Variants in ANK2 observed in about 807,000 individuals in gnomAD.
The protein encoded by ANK2 is ankyrin-2.
A neutral mutation model predicts 360.5 loss-of-function variants in ANK2; 83 were observed. That is an observed-to-expected ratio of 0.23 (90% CI 0.19 to 0.28). ANK2 has a LOEUF of 0.28. Ranked by LOEUF, ANK2 falls within the 10% of genes least tolerant of loss-of-function variation. The pLI, the probability that ANK2 is intolerant of heterozygous loss-of-function variation, is 1.00. For synonymous variants in ANK2, 1,740 were observed against 1,759.5 expected, an observed-to-expected ratio of 0.99 and a Z score of 0.28; for missense variants, 4,201 against 4,795.7, an observed-to-expected ratio of 0.88 and a Z score of 3.66.
At chr4:113,271,313 G>A (rs1162709463) in intron 14 of ANK2, among the ~76,000 whole-genome samples, 2 of 152,204 alleles carry the variant, frequency 1.3e-5, no homozygotes, top group Non-Finnish European at 2.9e-5. Context: ...AAGAAGACCA[G>A]CAGCCCTTCT....
At chr4:112,974,289 A>G (rs1050337125) in intron 2 of ANK2, among the ~76,000 whole-genome samples, 3 of 152,318 alleles carry the variant, frequency 2.0e-5, no homozygotes, top group African/African-American at 7.2e-5. Context: ...AGCAATACAG[A>G]TTTAGCAAGA....
chr4:113,157,077 T>C (rs1477765044), intron 1 of ANK2, among the ~76,000 whole-genome samples: 1 of 148,706 alleles, frequency 6.7e-6, no homozygotes, highest in African/African-American at 2.5e-5. Context: ...AACCTAAAGG[T>C]TTTTTTTTTA....
chr4:112,788,097 T>C, the ANK2 span: 1 of 1,556,984 alleles, frequency 6.4e-7, no homozygotes, highest in Non-Finnish European at 8.7e-7. Context: ...CCCAGTTTAG[T>C]GGCAAGTTCT....
chr4:112,916,092 C>T (rs973970421), intron 2 of ANK2, among the ~76,000 whole-genome samples: 2 of 152,058 alleles, frequency 1.3e-5, no homozygotes, highest in African/African-American at 2.4e-5. Flanking sequence ...AGTTAAACTA[C>T]CTAGTAAAAG....
chr4:113,127,391 G>A (rs2095721636), intron 1 of ANK2, among the ~76,000 whole-genome samples: 1 of 151,692 alleles, frequency 6.6e-6, no homozygotes, highest in Non-Finnish European at 1.5e-5. Context: ...AGATATTTAA[G>A]GTCAATGGCA....
At chr4:112,824,193 A>T (rs1253970585) in intron 1 of ANK2, among the ~76,000 whole-genome samples, 2 of 150,188 alleles carry the variant, frequency 1.3e-5, no homozygotes, top group Admixed American at 1.3e-4. Flanking sequence ...CCGTCTATCT[A>T]GAGGGAGACA....
chr4:112,870,316 A>T (rs141375158), intron 1 of ANK2, among the ~76,000 whole-genome samples: 4,083 of 152,250 alleles, frequency 0.027, 70 homozygotes, highest in Middle Eastern at 0.041. Context: ...AATAATAAAA[A>T]ATTATTCTGC....
At chr4:113,233,533 CT>C (rs1389291159) in intron 5 of ANK2, among the ~76,000 whole-genome samples, 1 of 152,112 alleles carries the variant, frequency 6.6e-6, no homozygotes, top group African/African-American at 2.4e-5. Flanking sequence ...CAGAAACTAT[CT>C]TAAGATAATT....
At position 113,199,000 on chromosome 4, in the gene ANK2, C is replaced by T. The variant is rs2153404696; in HGVS notation, c.286-11C>T. 6.2e-7 allele frequency: 1 copy of T among 1,602,434 alleles called. No individual in the cohort carries two copies. The stretch of plus-strand genomic sequence containing the variant: ...ACCTTGAACATTTTCTATTTTGTTT[C>T]TCCAAAACAGAAGGGAAATACCGCT... On this transcript the variant is annotated splice_polypyrimidine_tract_variant and intron_variant, in intron 3 of 45. Transcript: ENST00000357077.
At chr4:112,848,731 C>T (rs2063927782) in intron 1 of ANK2, among the ~76,000 whole-genome samples, 1 of 152,162 alleles carries the variant, frequency 6.6e-6, no homozygotes, top group African/African-American at 2.4e-5. Context: ...TCTTGACTTA[C>T]TCACCTTTGA....
At chr4:113,261,685 G>A (rs1036837903) in intron 13 of ANK2, among the ~76,000 whole-genome samples, 2 of 152,104 alleles carry the variant, frequency 1.3e-5, no homozygotes, top group Admixed American at 6.5e-5. Context: ...ATTATAAAGT[G>A]GAGAGACCAT....
At chr4:113,223,530 T>G (rs2099175398) in intron 4 of ANK2, among the ~76,000 whole-genome samples, 1 of 152,148 alleles carries the variant, frequency 6.6e-6, no homozygotes, top group Non-Finnish European at 1.5e-5. Flanking sequence ...TTGTAAAGAT[T>G]TAGAGCTGTA....
chr4:112,764,686 C>G, the ANK2 span, among the ~76,000 whole-genome samples: 1 of 149,534 alleles, frequency 6.7e-6, no homozygotes, highest in African/African-American at 2.5e-5. Context: ...TATTTTGTAA[C>G]TGGTCTCCTT....
chr4:112,944,841 A>C (rs2094452051), intron 2 of ANK2, among the ~76,000 whole-genome samples: 1 of 152,246 alleles, frequency 6.6e-6, no homozygotes, highest in Non-Finnish European at 1.5e-5. Flanking sequence ...AAATTATCTA[A>C]TTCAGGTAGC....
At chr4:113,119,768 G>T (rs973729711) in intron 1 of ANK2, among the ~76,000 whole-genome samples, 1 of 151,936 alleles carries the variant, frequency 6.6e-6, no homozygotes, top group South Asian at 2.1e-4. Context: ...GGGCTTGAAA[G>T]AAAATAAATA....
chr4:113,276,633 G>A (rs982419735), intron 15 of ANK2, among the ~76,000 whole-genome samples: 11 of 152,088 alleles, frequency 7.2e-5, no homozygotes, highest in African/African-American at 2.7e-4. Context: ...AATGCAAGAA[G>A]GAATAAATAC....
chr4:113,218,080 A>G (rs575851717), intron 4 of ANK2, among the ~76,000 whole-genome samples: 40 of 152,330 alleles, frequency 2.6e-4, no homozygotes, highest in South Asian at 1.9e-3. Flanking sequence ...GACAAGATCT[A>G]TAGTAAGACT....
At chr4:112,974,283 A>G (rs763334825) in intron 2 of ANK2, among the ~76,000 whole-genome samples, 11 of 152,226 alleles carry the variant, frequency 7.2e-5, no homozygotes, top group Admixed American at 3.3e-4. Flanking sequence ...TTGGAAAGCA[A>G]TACAGATTTA....
intron 2 of ANK2, among the ~76,000 whole-genome samples, chr4:113,179,669 T>C (rs1301718529): frequency 6.6e-6 from 1 of 152,226 alleles, no homozygotes; most frequent in Non-Finnish European, 1.5e-5. Flanking sequence ...ATCTTAGCGT[T>C]CAATTTATTT....
Sources: allele counts gnomAD v4.1 joint callset (sites outside exome capture counted in the v4.1 genomes callset), GRCh38; gene constraint gnomAD v4.1.1; transcripts MANE v1.5; gene names NCBI Gene and HGNC (gene_info 2026-07-23, HGNC 2026-07-21).